Variants in KRABD2 observed in about 807,000 individuals in gnomAD.
KRABD2 encodes the protein KRAB domain-containing protein 2.
chr17:8,369,481 T>C, the KRABD2 span: 1 of 1,614,088 alleles, frequency 6.2e-7, no homozygotes. Flanking sequence ...GAGTGGTTAC[T>C]CTGCATCCAG....
the KRABD2 span, among the ~76,000 whole-genome samples, chr17:8,358,853 TAAAAAC>T: frequency 6.6e-6 from 1 of 152,010 alleles, no homozygotes; most frequent in Non-Finnish European, 1.5e-5. Flanking sequence ...ATCTATTTCC[TAAAAAC>T]AAGGACATTC....
At chr17:8,371,875 T>A in the KRABD2 span, 1 of 1,013,728 alleles carries the variant, frequency 9.9e-7, no homozygotes, top group Admixed American at 5.4e-5. Flanking sequence ...GGAGTCTACC[T>A]GCCACTGTGA....
the KRABD2 span, chr17:8,369,053 T>C: frequency 6.6e-7 from 1 of 1,515,260 alleles, no homozygotes; most frequent in Non-Finnish European, 8.8e-7. Context: ...TTCAATCTTT[T>C]CCTCTGGGGC....
the KRABD2 span, chr17:8,376,158 ACGAATACAGAGC>A: frequency 1.6e-6 from 2 of 1,231,706 alleles, no homozygotes; most frequent in Non-Finnish European, 2.0e-6. Context: ...TGGAGGGCCC[ACGAATACAGAGC>A]TGAGCACAAA....
the KRABD2 span, among the ~76,000 whole-genome samples, chr17:8,363,637 G>A: frequency 2.2e-4 from 34 of 151,646 alleles, no homozygotes; most frequent in African/African-American, 8.0e-4. Flanking sequence ...ATGAGCCACT[G>A]CACCTAGCCT....
the KRABD2 span, chr17:8,370,533 C>A: frequency 1.6e-6 from 1 of 624,304 alleles, no homozygotes; most frequent in Non-Finnish European, 2.7e-6. Context: ...AGTTAAAAAG[C>A]AACTAGAAAG....
At chr17:8,371,956 G>A in the KRABD2 span, 279 of 988,672 alleles carry the variant, frequency 2.8e-4, no homozygotes, top group Non-Finnish European at 3.1e-4. Flanking sequence ...CAGAACAGCC[G>A]TAAGACAGGA....
At chr17:8,361,781 GC>G in the KRABD2 span, among the ~76,000 whole-genome samples, 1,337 of 152,192 alleles carry the variant, frequency 8.8e-3, 13 homozygotes, top group Non-Finnish European at 0.013. Flanking sequence ...CAATCCTCCT[GC>G]CTCAGCCTCC....
chr17:8,366,597 T>C, the KRABD2 span, among the ~76,000 whole-genome samples: 1 of 152,224 alleles, frequency 6.6e-6, no homozygotes, highest in Non-Finnish European at 1.5e-5. Flanking sequence ...CTGTGCATAA[T>C]GCTCTGAGAA....
the KRABD2 span, among the ~76,000 whole-genome samples, chr17:8,373,140 T>C: frequency 9.9e-6 from 1 of 100,576 alleles, no homozygotes; most frequent in Non-Finnish European, 2.1e-5. Flanking sequence ...TCCCTCTCCC[T>C]CTCTCCCTCT....
the KRABD2 span, chr17:8,369,571 C>G: frequency 6.2e-7 from 1 of 1,614,102 alleles, no homozygotes; most frequent in Non-Finnish European, 8.5e-7. Flanking sequence ...TTACCAGATA[C>G]AATCTTTAGG....
the KRABD2 span, chr17:8,376,142 C>T: frequency 8.1e-7 from 1 of 1,231,678 alleles, no homozygotes; most frequent in East Asian, 3.2e-5. Context: ...CTGCCTGTAC[C>T]CCCTTTGGAG....
the KRABD2 span, chr17:8,376,238 A>C: frequency 1.6e-6 from 2 of 1,229,896 alleles, no homozygotes; most frequent in African/African-American, 3.1e-5. Flanking sequence ...GTTATTAGCA[A>C]GGTAGAGCAG....
the KRABD2 span, among the ~76,000 whole-genome samples, chr17:8,374,045 G>A: frequency 1.3e-5 from 2 of 151,254 alleles, no homozygotes; most frequent in Non-Finnish European, 3.0e-5. Context: ...AGGGAGGTGG[G>A]GGGCAGCCCC....
At chr17:8,367,729 T>C in the KRABD2 span, among the ~76,000 whole-genome samples, 1 of 151,438 alleles carries the variant, frequency 6.6e-6, no homozygotes, top group Admixed American at 6.6e-5. Context: ...CCCTGCGGCC[T>C]TCCGCAGTGT....
the KRABD2 span, chr17:8,371,805 A>G: frequency 4.4e-6 from 5 of 1,148,248 alleles, no homozygotes; most frequent in East Asian, 4.4e-5. Flanking sequence ...TGGAAATATT[A>G]TATCTGTGTA....
the KRABD2 span, among the ~76,000 whole-genome samples, chr17:8,373,318 A>G: frequency 0.66 from 100,341 of 152,158 alleles, 33,759 homozygotes; most frequent in African/African-American, 0.74. Context: ...GGGATTGCCC[A>G]CAGGCGCCGC....
At chr17:8,362,724 G>A in the KRABD2 span, among the ~76,000 whole-genome samples, 1 of 152,212 alleles carries the variant, frequency 6.6e-6, no homozygotes, top group Non-Finnish European at 1.5e-5. This position sits in a 1 kb window ranked among gnomAD's most constrained non-coding sequence, Gnocchi z 4.2. Flanking sequence ...TGGTTGGCAG[G>A]TTGGTTCTGT....
chr17:8,371,659 G>A, the KRABD2 span: 8 of 1,410,260 alleles, frequency 5.7e-6, no homozygotes, highest in African/African-American at 5.8e-5. Context: ...TTCCTGGGAG[G>A]TCTGTTGGTC....
Sources: gnomAD v4.1 joint callset for allele counts (sites outside exome capture counted in the v4.1 genomes callset) on GRCh38, gnomAD v4.1.1 for gene constraint, Gnocchi (gnomAD v3.1) non-coding constraint, MANE v1.5 for transcripts, NCBI Gene and HGNC (gene_info 2026-07-23, HGNC 2026-07-21) for gene names.